Variants in DCC observed in about 807,000 individuals in gnomAD.
DCC encodes netrin receptor DCC.
DCC carries 58 observed loss-of-function variants against 172.5 expected under a neutral mutation model. That is an observed-to-expected ratio of 0.34 (90% CI 0.27 to 0.42). DCC has a LOEUF of 0.42. DCC is among the 10% of genes least tolerant of loss of function. The pLI, the probability that DCC is intolerant of heterozygous loss-of-function variation, is 1.00. For missense variants in DCC, 1,740 were observed against 1,791.0 expected, an observed-to-expected ratio of 0.97 and a Z score of 0.51; for synonymous variants, 709 against 644.5, an observed-to-expected ratio of 1.10 and a Z score of -1.52.
intron 1 of DCC, among the ~76,000 whole-genome samples, chr18:52,718,480 T>A (rs2036424265): frequency 6.6e-6 from 1 of 152,088 alleles, no homozygotes; most frequent in Non-Finnish European, 1.5e-5. Context: ...AGCTGCCTTA[T>A]TTCTTTGAAG....
At chr18:53,466,910 G>A (rs1210435254) in intron 24 of DCC, among the ~76,000 whole-genome samples, 1 of 152,140 alleles carries the variant, frequency 6.6e-6, no homozygotes, top group East Asian at 1.9e-4. Context: ...AAGCTTCCAT[G>A]ACTTCACCTA....
At chr18:53,358,340 T>C (rs2057901696) in intron 15 of DCC, among the ~76,000 whole-genome samples, 1 of 152,012 alleles carries the variant, frequency 6.6e-6, no homozygotes, top group Non-Finnish European at 1.5e-5. Context: ...GAGTAAATTT[T>C]CCATATGGCA....
chr18:53,127,587 T>G (rs568123228), intron 7 of DCC, among the ~76,000 whole-genome samples: 7 of 152,272 alleles, frequency 4.6e-5, no homozygotes, highest in Middle Eastern at 3.4e-3. Flanking sequence ...ATTTGCATCA[T>G]TTGGATCTGT....
chr18:53,424,981 G>T (rs971472410), intron 21 of DCC, among the ~76,000 whole-genome samples: 1 of 152,086 alleles, frequency 6.6e-6, no homozygotes, highest in Non-Finnish European at 1.5e-5. Flanking sequence ...TCCACTCTTG[G>T]TTGCTGATAT....
At chr18:53,354,103 T>G (rs1599056949) in intron 15 of DCC, among the ~76,000 whole-genome samples, 1 of 152,364 alleles carries the variant, frequency 6.6e-6, no homozygotes, top group East Asian at 1.9e-4. Context: ...CACCCTTTTT[T>G]ATGGCTGCAT....
chr18:52,860,270 A>T (rs983861449), intron 2 of DCC, among the ~76,000 whole-genome samples: 1 of 152,352 alleles, frequency 6.6e-6, no homozygotes. Flanking sequence ...ATCAGCTGGC[A>T]CAAAAGCTGC....
At chr18:52,590,774 T>C (rs2033781695) in intron 1 of DCC, among the ~76,000 whole-genome samples, 1 of 152,250 alleles carries the variant, frequency 6.6e-6, no homozygotes, top group Non-Finnish European at 1.5e-5. Context: ...TGATAAATAC[T>C]TGTGCTTAAT....
At chr18:52,403,554 T>A (rs1986520690) in intron 1 of DCC, among the ~76,000 whole-genome samples, 1 of 152,068 alleles carries the variant, frequency 6.6e-6, no homozygotes, top group African/African-American at 2.4e-5. Context: ...AAGTGCTGCT[T>A]CTTGTCCATG....
At chr18:52,855,858 T>C (rs2077660845) in intron 2 of DCC, among the ~76,000 whole-genome samples, 2 of 150,632 alleles carry the variant, frequency 1.3e-5, no homozygotes, top group Non-Finnish European at 2.9e-5. Flanking sequence ...CTCTGCTTCC[T>C]GGGTTCATGC....
chr18:53,228,163 G>T (rs958692449), intron 12 of DCC, among the ~76,000 whole-genome samples: 2 of 151,834 alleles, frequency 1.3e-5, no homozygotes, highest in Admixed American at 1.3e-4. Context: ...TCAAAGAAAG[G>T]AAAATACATT....
intron 5 of DCC, among the ~76,000 whole-genome samples, chr18:52,965,662 T>C (rs2040917596): frequency 1.3e-5 from 2 of 152,188 alleles, no homozygotes; most frequent in Admixed American, 1.3e-4. Context: ...TAAAGCTTAA[T>C]TTTTTTAAGT....
chr18:52,898,371 G>A (rs892603755), intron 2 of DCC, among the ~76,000 whole-genome samples: 1 of 152,192 alleles, frequency 6.6e-6, no homozygotes, highest in Non-Finnish European at 1.5e-5. Context: ...GGCCCATTCT[G>A]GGGGTGTGTG....
At chr18:52,459,298 G>A (rs1031267337) in intron 1 of DCC, among the ~76,000 whole-genome samples, 1 of 151,988 alleles carries the variant, frequency 6.6e-6, no homozygotes. Flanking sequence ...TTGTCACCCA[G>A]GTACTAAGTC....
At chr18:52,712,283 A>G (rs1460776638) in intron 1 of DCC, among the ~76,000 whole-genome samples, 1 of 152,188 alleles carries the variant, frequency 6.6e-6, no homozygotes, top group Non-Finnish European at 1.5e-5. Flanking sequence ...TTTTAAAATG[A>G]GCCTGTTAGG....
At position 52,670,926 on chromosome 18, in the gene DCC, A is replaced by G. The variant is rs1485733378; in HGVS notation, c.92-81128A>G. ...CATTATGCTAAAGGGCAACTATTCT[A>G]TTTTGACTCTCTATGTAAAATACTG... On this transcript the variant is annotated intron_variant, in intron 1 of 28. Transcript: ENST00000442544. Among the ~76,000 whole-genome samples the G allele has an allele frequency of 2.6e-5, 4 of 152,134 alleles. No individual in the cohort carries two copies. In the South Asian group the frequency reaches 8.3e-4, roughly 32 times the overall value.
At chr18:53,105,745 C>T (rs2043235985) in intron 7 of DCC, among the ~76,000 whole-genome samples, 1 of 151,758 alleles carries the variant, frequency 6.6e-6, no homozygotes, top group Non-Finnish European at 1.5e-5. Flanking sequence ...GCTTTCTGTG[C>T]CTGGGAAGTA....
intron 15 of DCC, among the ~76,000 whole-genome samples, chr18:53,356,132 G>A (rs2057875409): frequency 6.6e-6 from 1 of 151,994 alleles, no homozygotes; most frequent in South Asian, 2.1e-4. Flanking sequence ...ATGGCTCACT[G>A]CAGCCTCAAA....
At chr18:52,409,952 G>T (rs72918828) in intron 1 of DCC, among the ~76,000 whole-genome samples, 3 of 152,010 alleles carry the variant, frequency 2.0e-5, no homozygotes, top group Non-Finnish European at 2.9e-5. Flanking sequence ...CCCTCTGGTG[G>T]TTCTCTCAGT....
At chr18:52,547,518 A>T (rs1387404434) in intron 1 of DCC, among the ~76,000 whole-genome samples, 1 of 152,148 alleles carries the variant, frequency 6.6e-6, no homozygotes, top group Admixed American at 6.6e-5. Flanking sequence ...TTCTGCCCAC[A>T]GCATGTTCAT....
Sources: allele counts gnomAD v4.1 joint callset (sites outside exome capture counted in the v4.1 genomes callset), GRCh38; gene constraint gnomAD v4.1.1; transcripts MANE v1.5; gene names NCBI Gene and HGNC (gene_info 2026-07-23, HGNC 2026-07-21).